The following KLHL13 variants were observed in gnomAD, a reference collection of about 807,000 sequenced individuals.
The protein encoded by KLHL13 is kelch-like protein 13.
In KLHL13, 10 loss-of-function variants were observed where a neutral mutation model predicts 37.1. The observed-to-expected ratio is 0.27, with a 90% CI of 0.17 to 0.46. The LOEUF is 0.46. Ranked by LOEUF, KLHL13 falls within the 20% of genes least tolerant of loss-of-function variation. KLHL13 has a pLI of 1.00. For missense variants in KLHL13, 360 were observed against 509.3 expected (o/e 0.71, Z 2.82); for synonymous variants, 163 against 181.2 (o/e 0.90, Z 0.81).
At chrX:117,912,788 T>C (rs749246655) in intron 4 of KLHL13, among the ~76,000 whole-genome samples, 14 of 111,779 alleles carry the variant, frequency 1.3e-4, no homozygotes, top group Non-Finnish European at 2.4e-4. Context: ...GGTATATATA[T>C]TTATGGGGTA....
intron 1 of KLHL13, among the ~76,000 whole-genome samples, chrX:117,995,002 G>C (rs2053838730): frequency 8.9e-6 from 1 of 111,832 alleles, no homozygotes; most frequent in East Asian, 2.8e-4. Flanking sequence ...GAGCTATGAT[G>C]GTGCCACTGC....
intron 1 of KLHL13, among the ~76,000 whole-genome samples, chrX:118,076,050 A>G (rs762353390): frequency 8.9e-6 from 1 of 111,871 alleles, no homozygotes; most frequent in East Asian, 2.8e-4. Context: ...CCAGTTTCTA[A>G]TTTTATGTTT....
intron 1 of KLHL13, among the ~76,000 whole-genome samples, chrX:118,099,302 C>G (rs2055255598): frequency 9.0e-6 from 1 of 111,580 alleles, no homozygotes; most frequent in Non-Finnish European, 1.9e-5. Context: ...TTTCTAGACT[C>G]AAATTAATAT....
chrX:118,076,673 TTGA>T (rs1349141701), intron 1 of KLHL13, among the ~76,000 whole-genome samples: 2 of 111,379 alleles, frequency 1.8e-5, no homozygotes, highest in Non-Finnish European at 3.8e-5. Context: ...CTTCCTAATG[TTGA>T]TGAGTCTCAT....
chrX:118,031,173 T>A (rs1179701530), intron 1 of KLHL13, among the ~76,000 whole-genome samples: 1 of 110,016 alleles, frequency 9.1e-6, no homozygotes, highest in Non-Finnish European at 1.9e-5. Context: ...AGGAGTTTTA[T>A]GGGAAGAATT....
intron 1 of KLHL13, among the ~76,000 whole-genome samples, chrX:118,007,221 T>C (rs1009000582): frequency 1.8e-5 from 2 of 108,930 alleles, no homozygotes; most frequent in African/African-American, 6.7e-5. Flanking sequence ...GCCAGCCTGG[T>C]GAACATAGCG....
Position 117,969,823 on chromosome X carries a change from A to C in KLHL13, c.98+2908T>G, listed in dbSNP as rs146786024. Among the ~76,000 whole-genome samples, 60 of 111,970 alleles carry C rather than the reference A, an allele frequency of 5.4e-4. No individual in the cohort carries two copies. In the East Asian group the frequency reaches 0.016, roughly 29 times the overall value. On this transcript the variant is annotated intron_variant, in intron 1 of 6. Coordinates refer to ENST00000262820, the Ensembl canonical transcript of KLHL13. ...TTATACTATATAAGATGCTATTTCT[A>C]CTAATATTGCCACAAATACTATAGT...
intron 1 of KLHL13, among the ~76,000 whole-genome samples, chrX:118,109,226 T>C (rs1928702723): frequency 8.9e-6 from 1 of 112,111 alleles, no homozygotes; most frequent in African/African-American, 3.2e-5. Flanking sequence ...CATGTTTAGA[T>C]TTAGACCATT....
At chrX:118,091,663 G>A (rs954611262) in intron 1 of KLHL13, among the ~76,000 whole-genome samples, 17 of 110,675 alleles carry the variant, frequency 1.5e-4, no homozygotes, top group African/African-American at 5.3e-4. Flanking sequence ...TATAACAAAC[G>A]ATCTAACATT....
intron 1 of KLHL13, among the ~76,000 whole-genome samples, chrX:118,097,270 T>A (rs1419299026): frequency 9.1e-6 from 1 of 110,054 alleles, no homozygotes; most frequent in African/African-American, 3.4e-5. Flanking sequence ...TCACAAGCAT[T>A]CTTATACACC....
At chrX:118,112,313 G>A (rs752324769) in intron 1 of KLHL13, among the ~76,000 whole-genome samples, 19 of 112,024 alleles carry the variant, frequency 1.7e-4, no homozygotes, top group Admixed American at 4.7e-4. Context: ...TGAGCAAACC[G>A]GATGAGGTCT....
At chrX:117,986,436 T>C (rs1337344227) in intron 1 of KLHL13, among the ~76,000 whole-genome samples, 4 of 111,523 alleles carry the variant, frequency 3.6e-5, no homozygotes, top group Non-Finnish European at 5.7e-5. Context: ...CAGAAGACCA[T>C]GCACGCCAGA....
chrX:118,042,928 A>T (rs2054520212), intron 1 of KLHL13, among the ~76,000 whole-genome samples: 1 of 110,769 alleles, frequency 9.0e-6, no homozygotes, highest in Non-Finnish European at 1.9e-5. Context: ...TGAAAAAAAA[A>T]AATACAAAAG....
intron 1 of KLHL13, among the ~76,000 whole-genome samples, chrX:118,074,944 T>G (rs1287267460): frequency 8.9e-6 from 1 of 112,007 alleles, no homozygotes. Context: ...AATAATACAT[T>G]GTAAACTACT....
intron 1 of KLHL13, among the ~76,000 whole-genome samples, chrX:117,957,962 T>C (rs777276033): frequency 1.2e-4 from 13 of 112,014 alleles, no homozygotes; most frequent in Admixed American, 3.8e-4. Context: ...TCAGTTACAA[T>C]TTGATGAACC....
intron 1 of KLHL13, among the ~76,000 whole-genome samples, chrX:118,096,732 G>C (rs2055210948): frequency 9.0e-6 from 1 of 111,524 alleles, no homozygotes; most frequent in Non-Finnish European, 1.9e-5. Flanking sequence ...TATCCACCAT[G>C]ATCAAGTGGG....
intron 1 of KLHL13, among the ~76,000 whole-genome samples, chrX:117,993,392 G>A (rs2053816504): frequency 8.9e-6 from 1 of 112,297 alleles, no homozygotes; most frequent in Non-Finnish European, 1.9e-5. Context: ...GTGCCAAGCA[G>A]TGTTATAAAT....
In KLHL13 at chrX:118,107,078, TG is replaced by T. The variant is rs369869950; in HGVS notation, c.-56+9429del. ...ATTAGAGATAAATCAGAAAAATGTG[TG>T]ACCCCTGTGATTATCAGAAAACCAA... is the stretch of plus-strand genomic sequence containing the variant. On this transcript the variant is annotated intron_variant, in intron 1 of 6. Coordinates refer to the KLHL13 transcript ENST00000371882. 6.9e-3 allele frequency among the ~76,000 whole-genome samples: 772 copies of T among 112,150 alleles called. 8 individuals are homozygous for T. The highest frequency in any genetic ancestry group is 0.022 in the African/African-American group (665 of 30,918).
chrX:117,994,078 A>T (rs151000644), intron 1 of KLHL13, among the ~76,000 whole-genome samples: 2,172 of 111,839 alleles, frequency 0.019, 49 homozygotes, highest in African/African-American at 0.066. Context: ...TTCTAATTTC[A>T]AAAGCAAATT....
Sources: allele counts gnomAD v4.1 joint callset (sites outside exome capture counted in the v4.1 genomes callset), GRCh38; gene constraint gnomAD v4.1.1; transcripts MANE v1.5; gene names NCBI Gene and HGNC (gene_info 2026-07-23, HGNC 2026-07-21).